The following RTL4 variants were observed in gnomAD, a reference collection of about 807,000 sequenced individuals.
RTL4 encodes retrotransposon Gag-like protein 4.
A neutral mutation model predicts 5.3 loss-of-function variants in RTL4; 4 were observed. That is an observed-to-expected ratio of 0.75 (90% confidence interval 0.37 to 1.72). The LOEUF (loss-of-function observed/expected upper bound fraction) is 1.72, where lower values mean the gene tolerates loss of function less well. Among genes scored for constraint, RTL4 ranks in the 40% most tolerant of loss-of-function variants. The pLI, the probability that RTL4 is intolerant of heterozygous loss-of-function variation, is 0.04. For synonymous variants in RTL4, 98 were observed against 87.3 expected, an observed-to-expected ratio of 1.12 and a Z score of -0.68; for missense variants, 260 against 227.1, an observed-to-expected ratio of 1.14 and a Z score of -0.93.
At chrX:112,227,541 G>A in the RTL4 span, among the ~76,000 whole-genome samples, 23 of 111,627 alleles carry the variant, frequency 2.1e-4, no homozygotes, top group Non-Finnish European at 3.9e-4. Context: ...TGGTGTGCCA[G>A]TGGATAGCCT....
At chrX:112,137,328 T>C in the RTL4 span, among the ~76,000 whole-genome samples, 3 of 111,796 alleles carry the variant, frequency 2.7e-5, no homozygotes, top group African/African-American at 6.5e-5. Context: ...GTGAGGATAG[T>C]GTATTAGTCC....
chrX:112,198,091 T>G, the RTL4 span, among the ~76,000 whole-genome samples: 1 of 111,685 alleles, frequency 9.0e-6, no homozygotes, highest in Middle Eastern at 4.6e-3. Flanking sequence ...AAAATGTGAC[T>G]AAGCAGATAA....
At chrX:112,099,309 G>A in the RTL4 span, among the ~76,000 whole-genome samples, 1 of 111,783 alleles carries the variant, frequency 8.9e-6, no homozygotes, top group Non-Finnish European at 1.9e-5. Flanking sequence ...ACATGCATTA[G>A]TGCTATAGCA....
chrX:112,385,777 CAT>C, the RTL4 span, among the ~76,000 whole-genome samples: 10 of 111,986 alleles, frequency 8.9e-5, no homozygotes, highest in South Asian at 1.5e-3. Context: ...CAAACAACCA[CAT>C]GTTAGTCAGG....
the RTL4 span, among the ~76,000 whole-genome samples, chrX:112,316,799 T>A: frequency 2.7e-5 from 3 of 111,935 alleles, no homozygotes; most frequent in Admixed American, 1.9e-4. Flanking sequence ...GTGAAAAGAA[T>A]GACACTAATT....
the RTL4 span, among the ~76,000 whole-genome samples, chrX:112,292,488 T>C: frequency 1.8e-5 from 2 of 111,709 alleles, no homozygotes; most frequent in Non-Finnish European, 3.8e-5. Flanking sequence ...TGCCTCCATT[T>C]CCCAGAACAC....
At chrX:112,434,476 C>T in the RTL4 span, among the ~76,000 whole-genome samples, 4 of 111,502 alleles carry the variant, frequency 3.6e-5, no homozygotes, top group Non-Finnish European at 7.5e-5. Flanking sequence ...GTGTATGTGT[C>T]GAGGAATTTA....
the RTL4 span, among the ~76,000 whole-genome samples, chrX:112,104,527 G>A: frequency 9.0e-6 from 1 of 111,633 alleles, no homozygotes; most frequent in East Asian, 2.8e-4. Flanking sequence ...GTGTGCAAGC[G>A]TTCTCTGTTC....
the RTL4 span, among the ~76,000 whole-genome samples, chrX:112,113,918 G>T: frequency 9.0e-6 from 1 of 111,119 alleles, no homozygotes; most frequent in Non-Finnish European, 1.9e-5. Context: ...TTCCTTTTTG[G>T]CCTGTTCCTC....
chrX:112,176,789 T>C, the RTL4 span, among the ~76,000 whole-genome samples: 1 of 106,775 alleles, frequency 9.4e-6, no homozygotes. Context: ...ATTTAATTGG[T>C]TTTTTTTACT....
the RTL4 span, among the ~76,000 whole-genome samples, chrX:112,172,544 C>G: frequency 9.0e-6 from 1 of 111,539 alleles, no homozygotes; most frequent in African/African-American, 3.3e-5. Flanking sequence ...TGCTTTTACA[C>G]TGTCGGTGGG....
the RTL4 span, among the ~76,000 whole-genome samples, chrX:112,428,686 T>A: frequency 1.8e-5 from 2 of 111,766 alleles, no homozygotes; most frequent in Non-Finnish European, 3.8e-5. Context: ...ATGGTGCTTT[T>A]GAGTTCAACT....
At chrX:112,186,981 C>T in the RTL4 span, among the ~76,000 whole-genome samples, 1 of 111,740 alleles carries the variant, frequency 8.9e-6, no homozygotes, top group East Asian at 2.8e-4. Flanking sequence ...GATATTTTTT[C>T]TCCCAGGTTG....
At chrX:112,260,365 G>A in the RTL4 span, among the ~76,000 whole-genome samples, 5 of 111,506 alleles carry the variant, frequency 4.5e-5, no homozygotes, top group Non-Finnish European at 9.4e-5. Flanking sequence ...TTTACTCTGC[G>A]ATTGAAAAAG....
At chrX:112,169,135 A>T in the RTL4 span, among the ~76,000 whole-genome samples, 1 of 81,007 alleles carries the variant, frequency 1.2e-5, no homozygotes. Context: ...TTTTTTTGAC[A>T]ATGTTTCGCT....
At chrX:112,441,184 CT>C in the RTL4 span, among the ~76,000 whole-genome samples, 15 of 110,580 alleles carry the variant, frequency 1.4e-4, no homozygotes, top group East Asian at 2.9e-3. Context: ...ATAGGAACCT[CT>C]TTTTTTTAAT....
the RTL4 span, among the ~76,000 whole-genome samples, chrX:112,348,003 T>C: frequency 8.9e-6 from 1 of 111,801 alleles, no homozygotes; most frequent in Admixed American, 9.5e-5. Flanking sequence ...TCATATATTT[T>C]ATGTAATATA....
the RTL4 span, among the ~76,000 whole-genome samples, chrX:112,359,911 A>G: frequency 0.015 from 1,664 of 111,613 alleles, 33 homozygotes; most frequent in African/African-American, 0.051. Flanking sequence ...AAATGGGAGC[A>G]GTAATTTATT....
chrX:112,345,386 C>A, the RTL4 span, among the ~76,000 whole-genome samples: 3 of 111,404 alleles, frequency 2.7e-5, no homozygotes, highest in Non-Finnish European at 5.7e-5. Context: ...CCAAACAGCT[C>A]CTTTCCTGGG....
Sources: allele counts gnomAD v4.1 joint callset (sites outside exome capture counted in the v4.1 genomes callset), GRCh38; gene constraint gnomAD v4.1.1; transcripts MANE v1.5; gene names NCBI Gene and HGNC (gene_info 2026-07-23, HGNC 2026-07-21).